CRIM1: variants seen among roughly 807,000 people sequenced by gnomAD.
CRIM1 encodes the protein cysteine rich transmembrane BMP regulator 1.
In CRIM1, 32 loss-of-function variants were observed where a neutral mutation model predicts 116.4. That is an observed-to-expected ratio of 0.27 (90% CI 0.21 to 0.37). The LOEUF is 0.37. Among genes scored for constraint, CRIM1 ranks in the 10% least tolerant of loss-of-function variants. CRIM1 has a pLI of 1.00. For missense variants in CRIM1, 1,331 were observed against 1,354.8 expected, an observed-to-expected ratio of 0.98 and a Z score of 0.28; for synonymous variants, 590 against 509.2, an observed-to-expected ratio of 1.16 and a Z score of -2.13.
Position 36,356,582 on chromosome 2 carries a change from A to G in CRIM1, c.290A>G (p.Asn97Ser), listed in dbSNP as rs201724622. 33 of 1,611,690 alleles carry G rather than the reference A, an allele frequency of 2.0e-5. No individual in the cohort carries two copies. The highest frequency in any genetic ancestry group is 1.6e-4 in the East Asian group (7 of 44,816). Residue 97 changes from asparagine (N) to serine (S), a missense_variant, in exon 1 of 17, where the codon AAT (asparagine) becomes AGT (serine). This residue lies in a region of CRIM1 where 690 missense variants were observed against 676.0 expected (regional missense o/e 1.02). Coordinates refer to ENST00000280527, the MANE Select transcript of CRIM1 (RefSeq NM_016441.3). This position sits in a 1 kb window ranked among gnomAD's most constrained non-coding sequence, Gnocchi z 4.3. ...GLRCVIRPPL[N>S]GDSLTEYEAG... The stretch of plus-strand genomic sequence containing the variant: ...CGTTGTGTCATCCGCCCCCCGCTCA[A>G]TGGCGACTCCCTCACCGAGTACGAA...
intron 4 of CRIM1, among the ~76,000 whole-genome samples, chr2:36,446,185 C>T (rs902857978): frequency 6.6e-6 from 1 of 152,162 alleles, no homozygotes; most frequent in Non-Finnish European, 1.5e-5. Flanking sequence ...CTTTTCTCCC[C>T]TATCTTGAAG....
At chr2:36,411,260 A>T (rs549935398) in intron 2 of CRIM1, among the ~76,000 whole-genome samples, 23 of 152,260 alleles carry the variant, frequency 1.5e-4, no homozygotes, top group African/African-American at 5.5e-4. Context: ...ACTTCATTGC[A>T]GCATGGAACT....
At chr2:36,497,931 GT>G (rs1022160477) in intron 7 of CRIM1, among the ~76,000 whole-genome samples, 3 of 152,332 alleles carry the variant, frequency 2.0e-5, no homozygotes, top group Non-Finnish European at 2.9e-5. Flanking sequence ...AATGGATAGA[GT>G]GTTGGACAGG....
chr2:36,427,544 C>T (rs1245687209), intron 2 of CRIM1, among the ~76,000 whole-genome samples: 1 of 152,196 alleles, frequency 6.6e-6, no homozygotes, highest in Non-Finnish European at 1.5e-5. Context: ...ACACAACTTC[C>T]ACAGGAAGCA....
intron 2 of CRIM1, among the ~76,000 whole-genome samples, chr2:36,427,588 A>G (rs555343963): frequency 7.2e-5 from 11 of 152,232 alleles, no homozygotes; most frequent in South Asian, 4.1e-4. Context: ...CACCCTGTCT[A>G]GTCTTACCAG....
intron 2 of CRIM1, among the ~76,000 whole-genome samples, chr2:36,434,881 GT>G (rs1212589569): frequency 6.6e-6 from 1 of 152,122 alleles, no homozygotes; most frequent in Non-Finnish European, 1.5e-5. Flanking sequence ...CTTGCTTTGT[GT>G]TTTGTGTGCT....
chr2:36,414,745 C>T (rs1020646604), intron 2 of CRIM1, among the ~76,000 whole-genome samples: 3 of 152,062 alleles, frequency 2.0e-5, no homozygotes, highest in Middle Eastern at 3.2e-3. Flanking sequence ...TTTTGTGTCC[C>T]GAGGGACTTA....
chr2:36,498,980 C>T (rs1398996792), intron 7 of CRIM1, among the ~76,000 whole-genome samples: 1 of 152,162 alleles, frequency 6.6e-6, no homozygotes, highest in Non-Finnish European at 1.5e-5. Context: ...GTGAAGGTAC[C>T]AAAAACTGCA....
intron 2 of CRIM1, among the ~76,000 whole-genome samples, chr2:36,418,278 CCT>C (rs914170185): frequency 6.6e-6 from 1 of 152,108 alleles, no homozygotes. Flanking sequence ...TTGAGTCCTG[CCT>C]CTCTCACTTT....
At chr2:36,466,209 TC>T (rs1208358671) in intron 5 of CRIM1, among the ~76,000 whole-genome samples, 1 of 152,100 alleles carries the variant, frequency 6.6e-6, no homozygotes, top group Non-Finnish European at 1.5e-5. Flanking sequence ...GTGCACACTT[TC>T]TATTCACATC....
intron 7 of CRIM1, among the ~76,000 whole-genome samples, chr2:36,488,163 C>G (rs1345159584): frequency 1.3e-5 from 2 of 152,092 alleles, no homozygotes; most frequent in Non-Finnish European, 2.9e-5. Flanking sequence ...CTGTTAAACC[C>G]CCATTAGAAC....
At chr2:36,396,118 C>T (rs1184507752) in intron 1 of CRIM1, among the ~76,000 whole-genome samples, 1 of 152,028 alleles carries the variant, frequency 6.6e-6, no homozygotes, top group Non-Finnish European at 1.5e-5. Context: ...CTGTGTTGCC[C>T]AGGCTGGTCA....
intron 2 of CRIM1, among the ~76,000 whole-genome samples, chr2:36,425,892 A>T (rs917573459): frequency 2.4e-4 from 36 of 152,370 alleles, no homozygotes; most frequent in African/African-American, 8.7e-4. Context: ...ACAGTGACCC[A>T]GAGGATCCAT....
At chr2:36,445,785 G>GAA (rs369441581) in intron 4 of CRIM1, among the ~76,000 whole-genome samples, 4 of 143,070 alleles carry the variant, frequency 2.8e-5, no homozygotes, top group East Asian at 2.0e-4. Flanking sequence ...TGTGAAAATG[G>GAA]AAAAAAAAAA....
At chr2:36,468,332 G>C (rs1466589420) in intron 5 of CRIM1, among the ~76,000 whole-genome samples, 1 of 152,298 alleles carries the variant, frequency 6.6e-6, no homozygotes, top group Middle Eastern at 3.4e-3. Flanking sequence ...ACACTAGCCT[G>C]ATGAGTAGAT....
At chr2:36,378,228 G>A in intron 1 of CRIM1, 1 of 455,212 alleles carries the variant, frequency 2.2e-6, no homozygotes. Context: ...TTCAGTAAAT[G>A]TATTTTAAAT....
intron 11 of CRIM1, among the ~76,000 whole-genome samples, chr2:36,515,669 G>A (rs1478928016): frequency 6.6e-6 from 1 of 152,188 alleles, no homozygotes; most frequent in Non-Finnish European, 1.5e-5. Flanking sequence ...CTACATTTGA[G>A]TTTCTCTTTT....
chr2:36,542,361 A>C (rs879372536), intron 14 of CRIM1, among the ~76,000 whole-genome samples: 1 of 152,262 alleles, frequency 6.6e-6, no homozygotes, highest in African/African-American at 2.4e-5. Flanking sequence ...AGATCCTTCT[A>C]ACTTTCCCTG....
At chr2:36,358,382 A>G (rs142150373) in intron 1 of CRIM1, among the ~76,000 whole-genome samples, 25 of 152,360 alleles carry the variant, frequency 1.6e-4, no homozygotes, top group Non-Finnish European at 3.1e-4. Flanking sequence ...CATGAAACAC[A>G]GTTAAATGCA....
Sources: gnomAD v4.1 joint callset for allele counts (sites outside exome capture counted in the v4.1 genomes callset) on GRCh38, gnomAD v4.1.1 for gene constraint, gnomAD v4.1.1 regional missense constraint, Gnocchi (gnomAD v3.1) non-coding constraint, MANE v1.5 for transcripts, NCBI Gene and HGNC (gene_info 2026-07-23, HGNC 2026-07-21) for gene names.